The following RPS6KC1 variants were observed in gnomAD, a reference collection of about 807,000 sequenced individuals.
The protein encoded by RPS6KC1 is ribosomal protein S6 kinase C1.
Under a neutral mutation model 103.8 loss-of-function variants are expected in RPS6KC1, and 54 were observed. The observed-to-expected ratio is 0.52, with a 90% CI of 0.42 to 0.65. The LOEUF is 0.65. Among genes scored for constraint, RPS6KC1 ranks in the 30% least tolerant of loss-of-function variants. The probability of loss-of-function intolerance (pLI) is 0.00; values close to 1 mark genes in which losing one functional copy is unlikely to be tolerated. For missense variants in RPS6KC1, 1,151 were observed against 1,253.8 expected (o/e 0.92, Z 1.24); for synonymous variants, 439 against 438.7 (o/e 1.00, Z -0.01).
chr1:213,488,565 A>C, the RPS6KC1 span, among the ~76,000 whole-genome samples: 1 of 152,188 alleles, frequency 6.6e-6, no homozygotes, highest in African/African-American at 2.4e-5. Flanking sequence ...TTTCACAAGA[A>C]AATAAAAGAC....
the RPS6KC1 span, among the ~76,000 whole-genome samples, chr1:213,760,047 TTA>T: frequency 1.3e-5 from 2 of 152,206 alleles, no homozygotes; most frequent in African/African-American, 4.8e-5. Context: ...GCTCTGGACT[TTA>T]GATTCTGTCA....
intron 8 of RPS6KC1, among the ~76,000 whole-genome samples, chr1:213,229,346 A>T (rs2094034270): frequency 6.6e-6 from 1 of 151,494 alleles, no homozygotes; most frequent in African/African-American, 2.4e-5. Context: ...TTCATCCTTA[A>T]ATTCTGTCTT....
chr1:213,533,706 G>A, the RPS6KC1 span, among the ~76,000 whole-genome samples: 17 of 152,094 alleles, frequency 1.1e-4, no homozygotes, highest in Non-Finnish European at 2.2e-4. Context: ...ACTTCCACAC[G>A]TTGCTATAAT....
At chr1:213,335,208 A>G in the RPS6KC1 span, among the ~76,000 whole-genome samples, 132 of 152,332 alleles carry the variant, frequency 8.7e-4, 1 homozygote, top group African/African-American at 3.1e-3. Context: ...TAAAGATCAC[A>G]TTTCATGGCC....
the RPS6KC1 span, among the ~76,000 whole-genome samples, chr1:213,571,236 C>T: frequency 6.6e-6 from 1 of 152,108 alleles, no homozygotes; most frequent in African/African-American, 2.4e-5. Context: ...TTATTTGACT[C>T]AACTGATTTT....
At chr1:213,783,007 T>C in the RPS6KC1 span, among the ~76,000 whole-genome samples, 2 of 152,304 alleles carry the variant, frequency 1.3e-5, no homozygotes, top group East Asian at 3.9e-4. Flanking sequence ...CGCTGGACTA[T>C]TGTTATTATC....
the RPS6KC1 span, among the ~76,000 whole-genome samples, chr1:213,455,040 G>A: frequency 6.6e-6 from 1 of 152,164 alleles, no homozygotes; most frequent in South Asian, 2.1e-4. Context: ...AGTTAATCTG[G>A]TTCTGTCTGA....
chr1:213,161,239 G>A (rs1417811439), intron 6 of RPS6KC1, among the ~76,000 whole-genome samples: 1 of 152,156 alleles, frequency 6.6e-6, no homozygotes, highest in East Asian at 1.9e-4. Flanking sequence ...TTATATAAAG[G>A]AAGTTAATTG....
At chr1:213,638,806 T>A in the RPS6KC1 span, among the ~76,000 whole-genome samples, 3 of 152,114 alleles carry the variant, frequency 2.0e-5, no homozygotes, top group Non-Finnish European at 4.4e-5. Flanking sequence ...TCAACTTTAT[T>A]CTTTTCCCAA....
chr1:213,112,797 G>A (rs2083167177), intron 4 of RPS6KC1, among the ~76,000 whole-genome samples: 1 of 151,644 alleles, frequency 6.6e-6, no homozygotes, highest in Admixed American at 6.6e-5. Flanking sequence ...TCCCACCTGT[G>A]AGTGAGAATA....
chr1:213,752,373 G>A, the RPS6KC1 span, among the ~76,000 whole-genome samples: 2 of 152,108 alleles, frequency 1.3e-5, no homozygotes, highest in South Asian at 4.2e-4. Flanking sequence ...AAAAAAAAAG[G>A]GTGGCCCCTG....
At chr1:213,343,399 A>G in the RPS6KC1 span, among the ~76,000 whole-genome samples, 52 of 11,024 alleles carry the variant, frequency 4.7e-3, 3 homozygotes, top group African/African-American at 9.3e-3. Context: ...GTGTATATAT[A>G]TATATATATA....
At chr1:213,862,591 G>A in the RPS6KC1 span, among the ~76,000 whole-genome samples, 1 of 151,912 alleles carries the variant, frequency 6.6e-6, no homozygotes, top group African/African-American at 2.4e-5. Context: ...TAACTGAGGA[G>A]TACTCAGTCC....
the RPS6KC1 span, among the ~76,000 whole-genome samples, chr1:213,483,655 G>A: frequency 6.6e-6 from 1 of 152,044 alleles, no homozygotes; most frequent in South Asian, 2.1e-4. Flanking sequence ...TCTTTCAAGA[G>A]ATTTCATGTA....
chr1:213,527,415 A>G, the RPS6KC1 span, among the ~76,000 whole-genome samples: 2 of 152,238 alleles, frequency 1.3e-5, no homozygotes, highest in Non-Finnish European at 2.9e-5. Context: ...CCCCAGAGTC[A>G]GTAACAGTGA....
chr1:213,746,968 G>T, the RPS6KC1 span, among the ~76,000 whole-genome samples: 1 of 152,298 alleles, frequency 6.6e-6, no homozygotes, highest in East Asian at 1.9e-4. Flanking sequence ...TGTGCAACTG[G>T]AGACACAAGT....
At chr1:213,356,104 G>A in the RPS6KC1 span, among the ~76,000 whole-genome samples, 132,047 of 152,228 alleles carry the variant, frequency 0.87, 57,365 homozygotes, top group East Asian at 1. Context: ...AAAGATAGAC[G>A]AGGTCCCTGA....
the RPS6KC1 span, among the ~76,000 whole-genome samples, chr1:213,814,950 G>A: frequency 6.6e-6 from 1 of 152,112 alleles, no homozygotes; most frequent in Middle Eastern, 3.2e-3. Context: ...ATCACTCCAA[G>A]TTATTAACAT....
the RPS6KC1 span, among the ~76,000 whole-genome samples, chr1:213,805,261 T>C: frequency 6.6e-6 from 1 of 152,168 alleles, no homozygotes; most frequent in African/African-American, 2.4e-5. Flanking sequence ...GCCACATCAA[T>C]TGACTCAATC....
Sources: allele counts gnomAD v4.1 joint callset (sites outside exome capture counted in the v4.1 genomes callset), GRCh38; gene constraint gnomAD v4.1.1; transcripts MANE v1.5; gene names NCBI Gene and HGNC (gene_info 2026-07-23, HGNC 2026-07-21).